GCLC: variants seen among roughly 807,000 people sequenced by gnomAD.
GCLC encodes the protein glutamate-cysteine ligase catalytic subunit.
GCLC carries 30 observed loss-of-function variants against 81.5 expected under a neutral mutation model. The ratio of observed to expected loss-of-function variants is 0.37; its 90% CI spans 0.28 to 0.50. The LOEUF (loss-of-function observed/expected upper bound fraction) is 0.50, where lower values mean the gene tolerates loss of function less well. Ranked by LOEUF, GCLC falls within the 20% of genes least tolerant of loss-of-function variation. The pLI, the probability that GCLC is intolerant of heterozygous loss-of-function variation, is 0.96. For synonymous variants in GCLC, 262 were observed against 273.3 expected, an observed-to-expected ratio of 0.96 and a Z score of 0.41; for missense variants, 556 against 777.4, an observed-to-expected ratio of 0.72 and a Z score of 3.39.
intron 6 of GCLC, among the ~76,000 whole-genome samples, chr6:53,512,669 C>G (rs567709920): frequency 6.6e-6 from 1 of 152,036 alleles, no homozygotes; most frequent in South Asian, 2.1e-4. Context: ...AAAAAGAAAA[C>G]AATCCTAAGC....
chr6:53,521,601 G>A (rs570749278), intron 2 of GCLC, among the ~76,000 whole-genome samples: 37 of 152,148 alleles, frequency 2.4e-4, no homozygotes, highest in African/African-American at 8.7e-4. Context: ...TCCCCAAAAC[G>A]AATGAGTGGA....
chr6:53,529,840 A>G (rs1763143300), intron 1 of GCLC, among the ~76,000 whole-genome samples: 1 of 152,260 alleles, frequency 6.6e-6, no homozygotes, highest in Non-Finnish European at 1.5e-5. Context: ...GAATTTCTGC[A>G]GCGGTTCCCT....
chr6:53,533,373 C>A (rs910736512), intron 1 of GCLC, among the ~76,000 whole-genome samples: 4 of 152,180 alleles, frequency 2.6e-5, no homozygotes, highest in African/African-American at 9.7e-5. Context: ...TGCCAGACGC[C>A]CCCAGTACCT....
chr6:53,505,971 T>A, intron 10 of GCLC, 76 bp from the exon 11 acceptor site: 1 of 854,940 alleles, frequency 1.2e-6, no homozygotes, highest in Non-Finnish European at 2.0e-6. Flanking sequence ...GGTATTTAAT[T>A]AAGGAAGAAG....
intron 1 of GCLC, among the ~76,000 whole-genome samples, chr6:53,528,989 C>T (rs1461374440): frequency 6.6e-6 from 1 of 152,154 alleles, no homozygotes; most frequent in Admixed American, 6.6e-5. Context: ...AAAATGTCAC[C>T]TGTCACCAAA....
intron 1 of GCLC, among the ~76,000 whole-genome samples, chr6:53,530,023 G>A (rs190584930): frequency 6.6e-6 from 1 of 152,352 alleles, no homozygotes; most frequent in East Asian, 1.9e-4. Flanking sequence ...AATTCAGACT[G>A]CCTATGAGAA....
At chr6:53,505,333 T>C (rs1346967957) in intron 12 of GCLC, 59 bp downstream of exon 12, 3 of 768,796 alleles carry the variant, frequency 3.9e-6, no homozygotes, top group Non-Finnish European at 7.0e-6. Flanking sequence ...ATAGCATATA[T>C]AAATAAATAT....
chr6:53,510,884 A>G (rs1413752718), intron 6 of GCLC, among the ~76,000 whole-genome samples: 1 of 152,216 alleles, frequency 6.6e-6, no homozygotes, highest in African/African-American at 2.4e-5. Context: ...GCTGTGTCAT[A>G]GGCATCAAAG....
rs199775302 is a variant in GCLC at position 53,520,971 on chromosome 6, G to T, written c.264-11C>A. 3.2e-4 allele frequency: 511 copies of T among 1,603,936 alleles called. 1 individual carries two copies. Among genetic ancestry groups the T allele is most frequent in the Non-Finnish European group, 4.2e-4 (486 of 1,170,778 alleles). ...CAAAGGGTAGGATGGCTACGGAGGAGAAATAACTTAGTTCCATCTTATTCT... is the reference window on the plus strand; with the variant it reads ...CAAAGGGTAGGATGGCTACGGAGGATAAATAACTTAGTTCCATCTTATTCT... On this transcript the variant is annotated splice_polypyrimidine_tract_variant and intron_variant, in intron 2 of 15. Coordinates refer to ENST00000650454, the MANE Select transcript of GCLC (RefSeq NM_001498.4).
At chr6:53,543,533 A>G (rs1763395196) in intron 1 of GCLC, among the ~76,000 whole-genome samples, 2 of 152,218 alleles carry the variant, frequency 1.3e-5, no homozygotes, top group South Asian at 2.1e-4. Context: ...TGATAACAAC[A>G]CTGGCCAAAA....
intron 3 of GCLC, 79 bp from the exon 4 acceptor site, chr6:53,516,301 T>A: frequency 1.1e-6 from 1 of 878,828 alleles, no homozygotes; most frequent in Non-Finnish European, 1.9e-6. Flanking sequence ...TCACTGCACC[T>A]GCCAAAGACA....
chr6:53,522,614 A>G (rs1763018292), intron 1 of GCLC, 87 bp from the exon 2 acceptor site: 1 of 786,688 alleles, frequency 1.3e-6, no homozygotes, highest in African/African-American at 1.7e-5. Flanking sequence ...GGGAAACGTG[A>G]AGTCTGTAAA....
intron 1 of GCLC, among the ~76,000 whole-genome samples, chr6:53,541,344 AG>A (rs1763351352): frequency 6.6e-6 from 1 of 152,340 alleles, no homozygotes; most frequent in East Asian, 1.9e-4. Context: ...CCATGGCAGG[AG>A]GAAAAAGTAG....
chr6:53,544,443 C>A, intron 1 of GCLC, 53 bp downstream of exon 1: 1 of 1,584,866 alleles, frequency 6.3e-7, no homozygotes, highest in Admixed American at 1.7e-5. Context: ...ACAAAGGCAG[C>A]GCGGGCGGCC....
At position 53,506,826 on chromosome 6, in the gene GCLC, T is replaced by G; in HGVS notation, c.1197+87A>C. 1 of 761,822 alleles carries G rather than the reference T, an allele frequency of 1.3e-6. No individual in the cohort carries two copies. The highest frequency in any genetic ancestry group is 2.3e-6 in the Non-Finnish European group (1 of 426,692). 47.2% of individuals were successfully genotyped at this position (761,822 alleles called of 1,614,324 possible). On this transcript the variant is annotated intron_variant, in intron 10 of 15. Transcript: ENST00000650454. This position sits in a 1 kb window ranked among gnomAD's most constrained non-coding sequence, Gnocchi z 4.0. Reference sequence around the variant, plus strand: ...CAGAAAACTGCCTCCCCATGTTGGTTTGTGAAGTGAAATGCATATAAAACA... The same window carrying G: ...CAGAAAACTGCCTCCCCATGTTGGTGTGTGAAGTGAAATGCATATAAAACA...
chr6:53,526,840 T>G (rs898068571), intron 1 of GCLC, among the ~76,000 whole-genome samples: 75 of 151,826 alleles, frequency 4.9e-4, no homozygotes, highest in African/African-American at 1.8e-3. Flanking sequence ...TGGCTGGGTA[T>G]TTTATGAAAT....
intron 3 of GCLC, among the ~76,000 whole-genome samples, chr6:53,519,621 A>G (rs374452803): frequency 2.0e-5 from 3 of 152,070 alleles, no homozygotes; most frequent in African/African-American, 7.2e-5. Context: ...CAGGCACTCA[A>G]GTGTCTGAGT....
rs1764393209 is a variant in GCLC, at chr6:53,497,517, C to T, written c.*1239G>A. 6.6e-6 allele frequency: 1 copy of T among 152,284 alleles called. No individual in the cohort carries two copies. Among genetic ancestry groups the T allele is most frequent in the Non-Finnish European group, 1.5e-5 (1 of 68,008 alleles). The allele number at this position is 152,284 out of a possible 1,614,324, so 9.4% of individuals were successfully genotyped here. A position where few individuals can be genotyped will look rare whatever the true frequency, so the allele number is the denominator to read the frequency against. On this transcript the variant is annotated 3_prime_UTR_variant, in exon 16 of 16. Coordinates refer to ENST00000650454, the MANE Select transcript of GCLC (RefSeq NM_001498.4). Reference sequence around the variant, plus strand: ...ACAAACCCTAGTATTTAAACATAAACAGGGTTAGCTGAAGCAGCTTTATTG... The same window carrying T: ...ACAAACCCTAGTATTTAAACATAAATAGGGTTAGCTGAAGCAGCTTTATTG...
intron 1 of GCLC, among the ~76,000 whole-genome samples, chr6:53,525,784 A>G (rs1459398105): frequency 6.6e-6 from 1 of 152,144 alleles, no homozygotes; most frequent in African/African-American, 2.4e-5. Flanking sequence ...GGGGAAAAAA[A>G]TACCCACCGA....
Sources: gnomAD v4.1 joint callset for allele counts (sites outside exome capture counted in the v4.1 genomes callset) on GRCh38, gnomAD v4.1.1 for gene constraint, Gnocchi (gnomAD v3.1) non-coding constraint, MANE v1.5 for transcripts, NCBI Gene and HGNC (gene_info 2026-07-23, HGNC 2026-07-21) for gene names.